SV2C: variants seen among roughly 807,000 people sequenced by gnomAD.
SV2C encodes the protein synaptic vesicle glycoprotein 2C.
In SV2C, 49 loss-of-function variants were observed where a neutral mutation model predicts 79.7. The observed-to-expected ratio is 0.61, with a 90% CI of 0.49 to 0.78. SV2C has a LOEUF of 0.78. Ranked by LOEUF, SV2C falls within the 30% of genes least tolerant of loss-of-function variation. The probability of loss-of-function intolerance (pLI) is 0.00; values close to 1 mark genes in which losing one functional copy is unlikely to be tolerated. For synonymous variants in SV2C, 334 were observed against 333.2 expected (o/e 1.00, Z -0.03); for missense variants, 833 against 912.9 (o/e 0.91, Z 1.13).
At chr5:76,251,371 T>C (rs1006346507) in intron 4 of SV2C, among the ~76,000 whole-genome samples, 1 of 151,954 alleles carries the variant, frequency 6.6e-6, no homozygotes, top group Non-Finnish European at 1.5e-5. Context: ...GACAAGACCC[T>C]GTCTCTACAG....
intron 4 of SV2C, among the ~76,000 whole-genome samples, chr5:76,217,712 T>A (rs1744944499): frequency 6.7e-6 from 1 of 150,352 alleles, no homozygotes; most frequent in African/African-American, 2.5e-5. Context: ...CTAAAAAGCA[T>A]AAACCCTGCC....
intron 12 of SV2C, among the ~76,000 whole-genome samples, chr5:76,316,675 A>G (rs1748633158): frequency 6.6e-6 from 1 of 152,162 alleles, no homozygotes; most frequent in Admixed American, 6.5e-5. Flanking sequence ...CTGAGTGGGT[A>G]CCATGAGGGA....
At chr5:76,041,980 G>C in the SV2C span, among the ~76,000 whole-genome samples, 4 of 152,224 alleles carry the variant, frequency 2.6e-5, no homozygotes, top group African/African-American at 4.8e-5. Flanking sequence ...ACCCACAGCA[G>C]CTCCTCTGGC....
At chr5:76,159,256 C>T (rs922378379) in intron 2 of SV2C, among the ~76,000 whole-genome samples, 5 of 152,034 alleles carry the variant, frequency 3.3e-5, no homozygotes, top group African/African-American at 9.7e-5. Context: ...TTCTAGTCAA[C>T]ATTGTACTGG....
chr5:75,860,878 G>T, the SV2C span, among the ~76,000 whole-genome samples: 8 of 152,152 alleles, frequency 5.3e-5, no homozygotes, highest in Non-Finnish European at 1.0e-4. Context: ...TAGCTGGCTA[G>T]CCATATGCAG....
At chr5:76,162,689 G>A (rs575123964) in intron 2 of SV2C, among the ~76,000 whole-genome samples, 4 of 152,320 alleles carry the variant, frequency 2.6e-5, no homozygotes, top group Non-Finnish European at 4.4e-5. Flanking sequence ...TAATTGGGTA[G>A]CAGTGACATT....
At chr5:76,006,558 T>C in the SV2C span, among the ~76,000 whole-genome samples, 1 of 152,170 alleles carries the variant, frequency 6.6e-6, no homozygotes, top group South Asian at 2.1e-4. Context: ...GGCTAATCCC[T>C]GAACCTGGCA....
chr5:75,987,201 A>G, the SV2C span, among the ~76,000 whole-genome samples: 1 of 151,910 alleles, frequency 6.6e-6, no homozygotes, highest in South Asian at 2.1e-4. Flanking sequence ...AGCGTCCATG[A>G]ACCAGTAGCA....
chr5:75,901,741 C>T, the SV2C span, among the ~76,000 whole-genome samples: 1 of 152,198 alleles, frequency 6.6e-6, no homozygotes, highest in African/African-American at 2.4e-5. Context: ...TGGGTTCCAC[C>T]CAGTTGGAGC....
At chr5:76,113,322 G>A (rs768539603) in intron 1 of SV2C, among the ~76,000 whole-genome samples, 35 of 152,342 alleles carry the variant, frequency 2.3e-4, no homozygotes, top group African/African-American at 3.6e-4. Flanking sequence ...CGGAAGATAC[G>A]TTGCTGGCAA....
the SV2C span, among the ~76,000 whole-genome samples, chr5:75,943,156 A>G: frequency 1.3e-5 from 2 of 152,176 alleles, no homozygotes; most frequent in African/African-American, 4.8e-5. Flanking sequence ...GATAACAAAG[A>G]GTGGGGTCCT....
intron 6 of SV2C, 21 bp from the exon 7 acceptor site, chr5:76,291,200 T>G (rs1314153167): frequency 1.9e-6 from 3 of 1,580,064 alleles, no homozygotes; most frequent in Middle Eastern, 1.7e-4. Context: ...ACTTAGCGCT[T>G]TGGTCTGTTT....
chr5:76,092,777 C>T (rs1242714649), intron 1 of SV2C, among the ~76,000 whole-genome samples: 5 of 152,226 alleles, frequency 3.3e-5, no homozygotes, highest in African/African-American at 7.2e-5. Flanking sequence ...CCCCAACTCC[C>T]GCCATACACA....
the SV2C span, among the ~76,000 whole-genome samples, chr5:75,863,306 C>A: frequency 6.6e-6 from 1 of 152,054 alleles, no homozygotes; most frequent in African/African-American, 2.4e-5. Flanking sequence ...TAACAAAAAA[C>A]CACCTGTTCC....
chr5:76,030,977 A>C, the SV2C span, among the ~76,000 whole-genome samples: 40 of 152,214 alleles, frequency 2.6e-4, no homozygotes, highest in Non-Finnish European at 1.5e-4. Flanking sequence ...CTCGAAATCA[A>C]CTAAACAATA....
the SV2C span, among the ~76,000 whole-genome samples, chr5:76,069,648 C>T: frequency 6.6e-6 from 1 of 152,206 alleles, no homozygotes; most frequent in Non-Finnish European, 1.5e-5. Context: ...CCGAATCATT[C>T]TAAAGGCAGA....
chr5:75,925,918 T>A, the SV2C span, among the ~76,000 whole-genome samples: 1 of 152,106 alleles, frequency 6.6e-6, no homozygotes, highest in Non-Finnish European at 1.5e-5. Flanking sequence ...TTTCCATGAA[T>A]CACTTGGGTT....
the SV2C span, among the ~76,000 whole-genome samples, chr5:76,074,005 AG>A: frequency 4.6e-5 from 7 of 152,174 alleles, no homozygotes; most frequent in Admixed American, 4.6e-4. Flanking sequence ...TCATTGGTTG[AG>A]GGTTCACAGA....
rs1432709541 is a variant in SV2C, at chr5:76,342,705, C to G, written c.2001-10425C>G. 2.0e-5 allele frequency among the ~76,000 whole-genome samples: 3 copies of G among 152,266 alleles called. No homozygotes were observed. In the East Asian group the frequency reaches 5.8e-4, roughly 29 times the overall value. ...TGTGGCCCAGGACAAGTTCATTAAC[C>G]TCTCTGGGCCTCAATTCCTCATCTG... is the stretch of plus-strand genomic sequence containing the variant. On this transcript the variant is annotated intron_variant, in intron 12 of 12. Coordinates refer to the SV2C transcript ENST00000322285.
Sources: gnomAD v4.1 joint callset for allele counts (sites outside exome capture counted in the v4.1 genomes callset) on GRCh38, gnomAD v4.1.1 for gene constraint, MANE v1.5 for transcripts, NCBI Gene and HGNC (gene_info 2026-07-23, HGNC 2026-07-21) for gene names.